Variants in NEK1 observed in about 807,000 individuals in gnomAD.
NEK1 encodes the protein serine/threonine-protein kinase Nek1.
In NEK1, 137 loss-of-function variants were observed where a neutral mutation model predicts 182.1. That is an observed-to-expected ratio of 0.75 (90% CI 0.65 to 0.87). NEK1 has a LOEUF of 0.87. Ranked by LOEUF, NEK1 falls within the 40% of genes least tolerant of loss-of-function variation. The pLI is 0.00. For missense variants in NEK1, 1,391 were observed against 1,494.4 expected, an observed-to-expected ratio of 0.93 and a Z score of 1.14; for synonymous variants, 513 against 492.2, an observed-to-expected ratio of 1.04 and a Z score of -0.56.
chr4:169,426,004 T>C, intron 30 of NEK1, 142 bp downstream of exon 30: 2 of 630,038 alleles, frequency 3.2e-6, no homozygotes, highest in South Asian at 2.1e-5. Context: ...TCCAGTGTGC[T>C]ATGCCTATTA....
At chr4:169,505,320 C>A (rs894971517) in intron 23 of NEK1, among the ~76,000 whole-genome samples, 3 of 151,996 alleles carry the variant, frequency 2.0e-5, no homozygotes, top group Non-Finnish European at 4.4e-5. Flanking sequence ...GACCAACCCT[C>A]TTACTCCTCC....
intron 18 of NEK1, among the ~76,000 whole-genome samples, chr4:169,548,587 GCT>G (rs990012497): frequency 1.3e-5 from 2 of 152,230 alleles, no homozygotes; most frequent in African/African-American, 4.8e-5. Flanking sequence ...TCCCCCAGGT[GCT>G]CTGTCCCAGG....
intron 22 of NEK1, 71 bp downstream of exon 22, chr4:169,507,644 C>T: frequency 1.8e-6 from 2 of 1,130,898 alleles, no homozygotes; most frequent in Non-Finnish European, 2.6e-6. Flanking sequence ...CTATGCAAAA[C>T]TTAAGAACAC....
chr4:169,558,719 A>G (rs537006765), intron 16 of NEK1, among the ~76,000 whole-genome samples: 5 of 152,352 alleles, frequency 3.3e-5, no homozygotes, highest in South Asian at 4.1e-4. Context: ...CTAAAAACAC[A>G]TTCATAAAAG....
At chr4:169,470,886 G>A (rs1161880474) in intron 26 of NEK1, among the ~76,000 whole-genome samples, 1 of 152,088 alleles carries the variant, frequency 6.6e-6, no homozygotes, top group Non-Finnish European at 1.5e-5. Context: ...TTCAATCCCT[G>A]ATATCCTTTA....
In NEK1 at chr4:169,555,641, A is replaced by G. The variant is rs1762054200; in HGVS notation, c.1562+79T>C. 4.5e-6 allele frequency: 7 copies of G among 1,558,468 alleles called. No homozygotes were observed. The East Asian group carries it at 1.3e-4, about 30-fold the overall frequency. On this transcript the variant is annotated intron_variant, in intron 18 of 35. Coordinates refer to ENST00000507142, the MANE Select transcript of NEK1 (RefSeq NM_001199397.3). ...TGTGAACAATGGAGAAAACATCCAC[A>G]AAGTGTAGGTACTAAGCTATGTATG...
intron 27 of NEK1, among the ~76,000 whole-genome samples, chr4:169,458,700 T>C (rs1354659937): frequency 6.6e-6 from 1 of 151,718 alleles, no homozygotes; most frequent in Non-Finnish European, 1.5e-5. Flanking sequence ...TGGTGGTGCA[T>C]ACCTGTTGTC....
chr4:169,602,740 T>C, intron 2 of NEK1, 62 bp from the exon 3 acceptor site: 2 of 605,898 alleles, frequency 3.3e-6, no homozygotes, highest in South Asian at 2.3e-5. Flanking sequence ...ATAACAATTT[T>C]AATGTTTAAT....
At chr4:169,532,265 T>TA (rs35213212) in intron 19 of NEK1, among the ~76,000 whole-genome samples, 11 of 152,106 alleles carry the variant, frequency 7.2e-5, no homozygotes, top group African/African-American at 1.7e-4. Flanking sequence ...AAGCCAATTA[T>TA]AAAAAAAGGC....
At chr4:169,519,536 T>C in intron 19 of NEK1, among the ~76,000 whole-genome samples, 1 of 91,250 alleles carries the variant, frequency 1.1e-5, no homozygotes, top group Non-Finnish European at 2.2e-5. Context: ...TGTGTGAATT[T>C]GATCCTGTCA....
chr4:169,569,833 G>A (rs935902079), intron 12 of NEK1, among the ~76,000 whole-genome samples: 22 of 151,966 alleles, frequency 1.4e-4, no homozygotes, highest in East Asian at 5.8e-4. Context: ...TCGTGATCTC[G>A]GCTCGCTACA....
chr4:169,552,411 A>T (rs981548267), intron 18 of NEK1, among the ~76,000 whole-genome samples: 6 of 151,920 alleles, frequency 3.9e-5, no homozygotes, highest in Non-Finnish European at 8.8e-5. Context: ...TTCTGATTTT[A>T]AAAAATCTCA....
intron 31 of NEK1, among the ~76,000 whole-genome samples, chr4:169,417,696 G>T (rs1734781905): frequency 6.6e-6 from 1 of 152,108 alleles, no homozygotes; most frequent in Admixed American, 6.5e-5. Context: ...CCATGAGAGA[G>T]TAATAATGGC....
intron 31 of NEK1, among the ~76,000 whole-genome samples, chr4:169,422,330 G>C (rs558952951): frequency 1.2e-4 from 19 of 152,296 alleles, no homozygotes; most frequent in African/African-American, 4.3e-4. Context: ...CTCAAAAGAA[G>C]TTTGCTATTT....
intron 2 of NEK1, among the ~76,000 whole-genome samples, chr4:169,610,331 T>G (rs1344295791): frequency 6.6e-6 from 1 of 151,894 alleles, no homozygotes; most frequent in African/African-American, 2.4e-5. Context: ...TCTTTTTTCT[T>G]TGAGACAAGC....
At chr4:169,565,978 C>G (rs910360237) in intron 12 of NEK1, among the ~76,000 whole-genome samples, 1 of 152,110 alleles carries the variant, frequency 6.6e-6, no homozygotes, top group Non-Finnish European at 1.5e-5. Context: ...CTCAATAAAG[C>G]TATTTTTTAG....
rs556208345 is a variant in NEK1, at chr4:169,521,351, G to A, written c.1666-12499C>T. On this transcript the variant is annotated intron_variant, in intron 19 of 35. Coordinates refer to ENST00000507142, the MANE Select transcript of NEK1 (RefSeq NM_001199397.3). ...GCGCTTCCCAGGTGAGGCAATGCTC[G>A]CCCTGCTTCGGCTCGCGCACGGTGC... 1.4e-4 allele frequency among the ~76,000 whole-genome samples: 14 copies of A among 99,762 alleles called. 1 individual carries two copies. The highest frequency in any genetic ancestry group is 2.3e-4 in the Non-Finnish European group (11 of 47,684). 65.4% of individuals were successfully genotyped at this position (99,762 alleles called of 152,430 possible). A position where few individuals can be genotyped will look rare whatever the true frequency, so the allele number is the denominator to read the frequency against.
intron 12 of NEK1, 165 bp downstream of exon 12, chr4:169,576,763 T>C: frequency 1.7e-6 from 1 of 604,554 alleles, no homozygotes. Context: ...TTATGACTCC[T>C]GTAAGGCTTC....
At chr4:169,593,409 G>A (rs1768869774) in intron 5 of NEK1, among the ~76,000 whole-genome samples, 1 of 152,186 alleles carries the variant, frequency 6.6e-6, no homozygotes, top group African/African-American at 2.4e-5. Flanking sequence ...ACTACTGGGG[G>A]AGATGGGTAA....
Sources: allele counts gnomAD v4.1 joint callset (sites outside exome capture counted in the v4.1 genomes callset), GRCh38; gene constraint gnomAD v4.1.1; transcripts MANE v1.5; gene names NCBI Gene and HGNC (gene_info 2026-07-23, HGNC 2026-07-21).